Variants in PPFIA2 observed in about 807,000 individuals in gnomAD.
The protein encoded by PPFIA2 is liprin-alpha-2.
A neutral mutation model predicts 175.5 loss-of-function variants in PPFIA2; 46 were observed. The observed-to-expected ratio is 0.26, with a 90% CI of 0.21 to 0.34. The LOEUF (loss-of-function observed/expected upper bound fraction) is 0.34. Among genes scored for constraint, PPFIA2 ranks in the 10% least tolerant of loss-of-function variants. The probability of loss-of-function intolerance (pLI) is 1.00; values close to 1 mark genes in which losing one functional copy is unlikely to be tolerated. For synonymous variants in PPFIA2, 568 were observed against 511.4 expected, an observed-to-expected ratio of 1.11 and a Z score of -1.49; for missense variants, 1,179 against 1,506.1, an observed-to-expected ratio of 0.78 and a Z score of 3.60.
intron 7 of PPFIA2, among the ~76,000 whole-genome samples, chr12:81,439,457 A>G (rs913886821): frequency 1.3e-5 from 2 of 151,944 alleles, no homozygotes; most frequent in East Asian, 1.9e-4. Flanking sequence ...AGATAAAATA[A>G]CTCTTTAAAT....
At chr12:81,363,220 AC>A (rs1181648839) in intron 14 of PPFIA2, among the ~76,000 whole-genome samples, 8 of 151,340 alleles carry the variant, frequency 5.3e-5, no homozygotes, top group Non-Finnish European at 1.0e-4. Flanking sequence ...AGGAAAGTAA[AC>A]CCTCTGGCTT....
At chr12:81,669,787 A>C (rs972278568) in intron 4 of PPFIA2, among the ~76,000 whole-genome samples, 1 of 151,992 alleles carries the variant, frequency 6.6e-6, no homozygotes, top group African/African-American at 2.4e-5. Context: ...GTGAGTTCCT[A>C]GAATCATCGT....
At chr12:81,630,897 A>AT (rs776050578) in intron 4 of PPFIA2, among the ~76,000 whole-genome samples, 6 of 75,288 alleles carry the variant, frequency 8.0e-5, no homozygotes, top group East Asian at 6.0e-4. Context: ...ATATATATAT[A>AT]TATTTTTTTT....
rs2057640584 is a variant in PPFIA2 at position 81,339,253 on chromosome 12, G to C, written c.2475C>G (p.Pro825=). The part of the protein sequence containing the change: ...NSSQDSLHKA[P]KKKGIKSSIG... The stretch of plus-strand genomic sequence containing the variant: ...TTGAAGACTTGATTCCTTTCTTCTT[G>C]GGGGCTTTGTGAAGAGAGTCTTGGC... Residue 825 remains proline, a synonymous_variant, in exon 21 of 33, where the codon CCC becomes CCG. Coordinates refer to ENST00000549396, the MANE Select transcript of PPFIA2 (RefSeq NM_003625.5). 1 of 1,610,886 alleles carries C rather than the reference G, an allele frequency of 6.2e-7. No individual in the cohort carries two copies.
intron 4 of PPFIA2, among the ~76,000 whole-genome samples, chr12:81,600,584 T>C (rs959556004): frequency 6.6e-6 from 1 of 152,018 alleles, no homozygotes; most frequent in Non-Finnish European, 1.5e-5. Flanking sequence ...AATTAATATT[T>C]TTCCCTTCTG....
intron 4 of PPFIA2, among the ~76,000 whole-genome samples, chr12:81,661,095 G>A (rs1476455538): frequency 6.6e-6 from 1 of 152,164 alleles, no homozygotes; most frequent in Admixed American, 6.5e-5. Flanking sequence ...GCAAAAACAT[G>A]CCAAATTGTA....
intron 14 of PPFIA2, among the ~76,000 whole-genome samples, chr12:81,365,106 T>C (rs1227604686): frequency 6.6e-6 from 1 of 151,620 alleles, no homozygotes; most frequent in Non-Finnish European, 1.5e-5. Context: ...GGTGTTTAAA[T>C]CCAGGAGATC....
rs759278345 is a variant in PPFIA2 at position 81,384,084 on chromosome 12, G to A, written c.923C>T (p.Ala308Val). Residue 308 changes from alanine (A) to valine (V), a missense_variant, in exon 9 of 33, where the codon GCA (alanine) becomes GTA (valine). Ala to Val is a moderately conservative substitution (Grantham distance 64). Transcript: ENST00000549396. ...VGEVEQEAET[A>V]RKDLIKTEEM... is the part of the protein sequence containing the mutation. ...TTCTGTTTTAATGAGATCCTTTCTT[G>A]CTGTCTCTGCTTCCTGTTCCACCTC... 1.2e-6 allele frequency: 2 copies of A among 1,613,214 alleles called. No homozygotes were observed. The highest frequency in any genetic ancestry group is 1.7e-6 in the Non-Finnish European group (2 of 1,179,526).
Position 81,299,289 on chromosome 12 carries a change from T to A in PPFIA2, c.2724+12A>T. 1 of 1,583,208 alleles carries A rather than the reference T, an allele frequency of 6.3e-7. No homozygotes were observed. Among genetic ancestry groups the A allele is most frequent in the Non-Finnish European group, 8.6e-7 (1 of 1,163,408 alleles). On this transcript the variant is annotated intron_variant, in intron 23 of 32. Coordinates refer to ENST00000549396, the MANE Select transcript of PPFIA2 (RefSeq NM_003625.5). ...TGATTGATTCAAGGGCCTCCTAGTTTCATTCTCTTACCTCTAGCCATGCGA... is the reference window on the plus strand; with the variant it reads ...TGATTGATTCAAGGGCCTCCTAGTTACATTCTCTTACCTCTAGCCATGCGA...
At chr12:81,566,659 G>T (rs1262516738) in intron 4 of PPFIA2, among the ~76,000 whole-genome samples, 1 of 151,954 alleles carries the variant, frequency 6.6e-6, no homozygotes, top group Non-Finnish European at 1.5e-5. Flanking sequence ...TTCAAGAGAA[G>T]GACACATTTT....
chr12:81,512,673 T>C (rs1195846351), intron 4 of PPFIA2, among the ~76,000 whole-genome samples: 1 of 152,002 alleles, frequency 6.6e-6, no homozygotes, highest in East Asian at 1.9e-4. Context: ...ATGTAGTCTT[T>C]TTTCCCTCAC....
intron 4 of PPFIA2, among the ~76,000 whole-genome samples, chr12:81,488,515 C>T (rs1011456033): frequency 2.0e-5 from 3 of 151,722 alleles, no homozygotes; most frequent in Non-Finnish European, 4.4e-5. Flanking sequence ...ATCATGGCAC[C>T]TGATACTATC....
chr12:81,605,479 A>G (rs549477916), intron 4 of PPFIA2, among the ~76,000 whole-genome samples: 2 of 151,958 alleles, frequency 1.3e-5, no homozygotes, highest in Non-Finnish European at 2.9e-5. Context: ...GTAGCATTAC[A>G]CGATAACAAA....
intron 22 of PPFIA2, among the ~76,000 whole-genome samples, chr12:81,305,633 C>A (rs550154142): frequency 1.3e-5 from 2 of 152,118 alleles, no homozygotes; most frequent in Non-Finnish European, 2.9e-5. Flanking sequence ...TTTTCTCTAT[C>A]CCTTGAGTGA....
At chr12:81,740,064 A>T (rs1490717725) in intron 3 of PPFIA2, among the ~76,000 whole-genome samples, 2 of 152,058 alleles carry the variant, frequency 1.3e-5, no homozygotes, top group Non-Finnish European at 2.9e-5. Context: ...AGGGCCAACA[A>T]TCTCACTTTT....
intron 5 of PPFIA2, among the ~76,000 whole-genome samples, chr12:81,450,377 C>T (rs993333304): frequency 1.0e-3 from 158 of 152,232 alleles, no homozygotes; most frequent in Non-Finnish European, 9.1e-4. Flanking sequence ...GATTTGCATT[C>T]CTCTGATGGC....
Position 81,543,633 on chromosome 12 carries a change from C to CT in PPFIA2, c.304-85768dup, listed in dbSNP as rs2066546981. 3.9e-5 allele frequency among the ~76,000 whole-genome samples: 6 copies of CT among 152,186 alleles called. No individual in the cohort carries two copies. In the South Asian group the frequency reaches 1.2e-3, roughly 31 times the overall value. ...TTTAAAGGTGGACTGTCAATAGTGACTTTCTTTCAAAGACAAATGGAAGTG... is the reference window on the plus strand; with the variant it reads ...TTTAAAGGTGGACTGTCAATAGTGACTTTTCTTTCAAAGACAAATGGAAGTG... On this transcript the variant is annotated intron_variant, in intron 4 of 32. Coordinates refer to ENST00000549396, the MANE Select transcript of PPFIA2 (RefSeq NM_003625.5).
intron 6 of PPFIA2, among the ~76,000 whole-genome samples, chr12:81,440,263 CT>C (rs1413207788): frequency 6.6e-6 from 1 of 152,102 alleles, no homozygotes; most frequent in African/African-American, 2.4e-5. Context: ...TAAGCAAATG[CT>C]TTTGGTAGTT....
chr12:81,390,623 C>T (rs1455438304), intron 8 of PPFIA2, among the ~76,000 whole-genome samples: 2 of 151,888 alleles, frequency 1.3e-5, no homozygotes, highest in East Asian at 1.9e-4. Context: ...AATTGATTTA[C>T]ATGTATTTTT....
Sources: gnomAD v4.1 joint callset for allele counts (sites outside exome capture counted in the v4.1 genomes callset) on GRCh38, gnomAD v4.1.1 for gene constraint, MANE v1.5 for transcripts, NCBI Gene and HGNC (gene_info 2026-07-23, HGNC 2026-07-21) for gene names.